The following GABRA3 variants were observed in gnomAD, a reference collection of about 807,000 sequenced individuals.
The protein encoded by GABRA3 is gamma-aminobutyric acid type A receptor subunit alpha3, also known as gamma-aminobutyric acid receptor subunit alpha-3.
A neutral mutation model predicts 30.1 loss-of-function variants in GABRA3; 10 were observed. The ratio of observed to expected loss-of-function variants is 0.33; its 90% CI spans 0.20 to 0.56. The LOEUF is 0.56. Ranked by LOEUF, GABRA3 falls within the 20% of genes least tolerant of loss-of-function variation. GABRA3 has a pLI of 0.89. For missense variants in GABRA3, 233 were observed against 392.0 expected, an observed-to-expected ratio of 0.59 and a Z score of 3.42; for synonymous variants, 151 against 146.8, an observed-to-expected ratio of 1.03 and a Z score of -0.21.
At chrX:152,359,684 G>C (rs1298276980) in intron 2 of GABRA3, among the ~76,000 whole-genome samples, 1 of 110,562 alleles carries the variant, frequency 9.0e-6, no homozygotes, top group Non-Finnish European at 1.9e-5. Context: ...TTTGACTTGG[G>C]CATTTAGTGC....
intron 1 of GABRA3, among the ~76,000 whole-genome samples, chrX:152,396,609 T>C (rs1929668737): frequency 8.9e-6 from 1 of 112,076 alleles, no homozygotes. Context: ...TAGAGAGTAG[T>C]AGAATCATCC....
At chrX:152,220,673 A>G (rs925374119) in intron 6 of GABRA3, among the ~76,000 whole-genome samples, 1 of 112,006 alleles carries the variant, frequency 8.9e-6, no homozygotes, top group African/African-American at 3.2e-5. Context: ...TCTTATCAGT[A>G]GCGCATGAGA....
At chrX:152,212,254 A>T (rs1344997984) in intron 6 of GABRA3, among the ~76,000 whole-genome samples, 1 of 85,574 alleles carries the variant, frequency 1.2e-5, no homozygotes, top group Non-Finnish European at 2.2e-5. Context: ...ACTGCACTCC[A>T]GCCCAGGCAA....
At chrX:152,264,565 G>C (rs1262764913) in intron 4 of GABRA3, among the ~76,000 whole-genome samples, 4 of 110,746 alleles carry the variant, frequency 3.6e-5, no homozygotes, top group Admixed American at 1.9e-4. Context: ...ACAATCACAA[G>C]AAGGGAAGAA....
rs1019642880 is a variant in GABRA3 at position 152,347,332 on chromosome X, T to C, written c.141-1630A>G. 2.7e-5 allele frequency among the ~76,000 whole-genome samples: 3 copies of C among 111,558 alleles called. No individual in the cohort carries two copies. The Admixed American group carries it at 2.9e-4, about 11-fold the overall frequency. On this transcript the variant is annotated intron_variant, in intron 2 of 9. Transcript: ENST00000370314. ...AGATAGAGAGTAGAAGCATTGTTAC[T>C]AGAGGTTGGGAAGGATAGTGGAGTG... is the stretch of plus-strand genomic sequence containing the variant.
At chrX:152,383,405 A>G (rs1305943059) in intron 1 of GABRA3, among the ~76,000 whole-genome samples, 31 of 104,087 alleles carry the variant, frequency 3.0e-4, no homozygotes, top group Non-Finnish European at 2.9e-4. Flanking sequence ...AAAAAAAAAA[A>G]AAAAAGAAAG....
At chrX:152,251,954 A>G (rs905662601) in intron 5 of GABRA3, among the ~76,000 whole-genome samples, 1 of 111,123 alleles carries the variant, frequency 9.0e-6, no homozygotes, top group Non-Finnish European at 1.9e-5. Flanking sequence ...CTCTAACTGT[A>G]GATTTGATAT....
chrX:152,389,989 A>T (rs1264417245), intron 1 of GABRA3, among the ~76,000 whole-genome samples: 3 of 111,899 alleles, frequency 2.7e-5, no homozygotes, highest in South Asian at 3.7e-4. Context: ...ATTTGAGATT[A>T]AAAAAATACA....
At chrX:152,378,499 ACTGTATGT>A (rs1203751559) in intron 1 of GABRA3, among the ~76,000 whole-genome samples, 1 of 111,509 alleles carries the variant, frequency 9.0e-6, no homozygotes, top group African/African-American at 3.3e-5. Flanking sequence ...ATAAAAATAG[ACTGTATGT>A]CTTCTATATT....
intron 4 of GABRA3, among the ~76,000 whole-genome samples, chrX:152,256,250 A>G (rs1938635616): frequency 9.0e-6 from 1 of 111,257 alleles, no homozygotes; most frequent in Non-Finnish European, 1.9e-5. Context: ...ATCCCCACAC[A>G]GCACACAAGC....
intron 5 of GABRA3, among the ~76,000 whole-genome samples, chrX:152,237,020 T>G (rs1938233496): frequency 9.2e-6 from 1 of 108,468 alleles, no homozygotes; most frequent in South Asian, 4.0e-4. Flanking sequence ...TTTGTCAATT[T>G]TGGCTTTTGT....
At chrX:152,301,245 A>G (rs1019418342) in intron 3 of GABRA3, among the ~76,000 whole-genome samples, 3 of 112,093 alleles carry the variant, frequency 2.7e-5, no homozygotes, top group Admixed American at 1.9e-4. Context: ...CATCAATACC[A>G]GAATCCTATA....
intron 7 of GABRA3, among the ~76,000 whole-genome samples, chrX:152,206,001 T>C (rs1291006391): frequency 1.8e-5 from 2 of 113,040 alleles, no homozygotes; most frequent in African/African-American, 6.4e-5. Flanking sequence ...GTGTATCTTC[T>C]GTGTGCTAAA....
At chrX:152,432,418 TA>T (rs1199150116) in intron 1 of GABRA3, among the ~76,000 whole-genome samples, 7 of 110,246 alleles carry the variant, frequency 6.3e-5, no homozygotes, top group African/African-American at 2.0e-4. Context: ...AAGCAAACTT[TA>T]AAAAAAAATC....
chrX:152,384,828 G>T (rs745437867), intron 1 of GABRA3, among the ~76,000 whole-genome samples: 1 of 111,917 alleles, frequency 8.9e-6, no homozygotes, highest in Non-Finnish European at 1.9e-5. Context: ...CCGAATGGTA[G>T]ACGTTTGTCA....
chrX:152,342,629 T>C (rs1940331982), intron 3 of GABRA3, among the ~76,000 whole-genome samples: 1 of 112,124 alleles, frequency 8.9e-6, no homozygotes, highest in South Asian at 3.7e-4. Context: ...ATTTTTTGAC[T>C]GGAAACTTTT....
intron 3 of GABRA3, among the ~76,000 whole-genome samples, chrX:152,311,891 C>T (rs1238081678): frequency 9.1e-6 from 1 of 110,404 alleles, no homozygotes; most frequent in Non-Finnish European, 1.9e-5. Context: ...GTACAAATTT[C>T]AGTAGTATTT....
chrX:152,347,629 A>T (rs984125725), intron 2 of GABRA3, among the ~76,000 whole-genome samples: 3 of 111,269 alleles, frequency 2.7e-5, no homozygotes, highest in African/African-American at 9.8e-5. Flanking sequence ...AAAAATGAAA[A>T]ATTAAACAAT....
intron 3 of GABRA3, among the ~76,000 whole-genome samples, chrX:152,335,208 C>T (rs1462980039): frequency 1.8e-5 from 2 of 111,475 alleles, no homozygotes; most frequent in East Asian, 2.8e-4. Flanking sequence ...ACTGCCATCA[C>T]CCCTCTACCA....
Sources: allele counts gnomAD v4.1 joint callset (sites outside exome capture counted in the v4.1 genomes callset), GRCh38; gene constraint gnomAD v4.1.1; transcripts MANE v1.5; gene names NCBI Gene and HGNC (gene_info 2026-07-23, HGNC 2026-07-21).